The following UNC13A variants were observed in gnomAD, a reference collection of about 807,000 sequenced individuals.
The protein encoded by UNC13A is unc-13 homolog A.
UNC13A carries 61 observed loss-of-function variants against 219.7 expected under a neutral mutation model. That is an observed-to-expected ratio of 0.28 (90% CI 0.23 to 0.34). The LOEUF (loss-of-function observed/expected upper bound fraction) is 0.34. Ranked by LOEUF, UNC13A falls within the 10% of genes least tolerant of loss-of-function variation. The pLI, the probability that UNC13A is intolerant of heterozygous loss-of-function variation, is 1.00. For synonymous variants in UNC13A, 920 were observed against 884.6 expected (o/e 1.04, Z -0.71); for missense variants, 1,476 against 2,270.3 (o/e 0.65, Z 7.11).
Position 17,668,204 on chromosome 19 carries a change from CCTGT to C in UNC13A, c.395-18_395-15del, listed in dbSNP as rs765739197. The C allele has an allele frequency of 6.2e-7, 1 of 1,611,982 alleles. No individual in the cohort carries two copies. The highest frequency in any genetic ancestry group is 1.7e-5 in the Admixed American group (1 of 59,856). On this transcript the variant is annotated splice_polypyrimidine_tract_variant and intron_variant, in intron 5 of 43. Coordinates refer to ENST00000519716, the MANE Select transcript of UNC13A (RefSeq NM_001080421.3). ...CTTCAGGAATGTCTGCAAGCAGAGC[CCTGT>C]CTGTGAGCCTGGAAGACCCTCCCTG...
chr19:17,679,433 G>A (rs2079964493), intron 1 of UNC13A, among the ~76,000 whole-genome samples: 1 of 150,286 alleles, frequency 6.7e-6, no homozygotes, highest in Admixed American at 6.6e-5. Flanking sequence ...AATAATAAAA[G>A]AGAGAGGGGG....
chr19:17,640,558 A>T lies in UNC13A; in HGVS notation c.2740T>A (p.Ser914Thr). 1 of 1,557,156 alleles carries T rather than the reference A, an allele frequency of 6.4e-7. No homozygotes were observed. ...INAYYAHTTA[S>T]TNVSASDRFA... Reference sequence around the variant, plus strand: ...CGGTCGGAGGCAGACACGTTGGTGGAGGCGGTGGTGTGTGCGTAGTAGGCA... The same window carrying T: ...CGGTCGGAGGCAGACACGTTGGTGGTGGCGGTGGTGTGTGCGTAGTAGGCA... The change falls in exon 22 of 44, where the codon TCC becomes ACC. Residue 914 changes from serine (S) to threonine (T), a missense_variant. Physicochemically the swap from Ser to Thr is moderately conservative, Grantham distance 58 (BLOSUM62 1). Transcript: ENST00000519716.
chr19:17,648,827 C>T (rs1425693252), intron 15 of UNC13A, 85 bp downstream of exon 15: 5 of 1,520,468 alleles, frequency 3.3e-6, no homozygotes, highest in South Asian at 2.4e-5. Context: ...TTCCTCTTCC[C>T]GGGGACCCAC....
chr19:17,657,919 G>C, intron 9 of UNC13A, 143 bp downstream of exon 9: 1 of 769,630 alleles, frequency 1.3e-6, no homozygotes, highest in Non-Finnish European at 2.0e-6. Flanking sequence ...ATTCCCACAA[G>C]AAAATGTGAA....
Position 17,603,053 on chromosome 19 carries a change from TC to T in UNC13A, c.*3000del, listed in dbSNP as rs1408392440. On this transcript the variant is annotated 3_prime_UTR_variant, in exon 44 of 44. Transcript: ENST00000519716. Reference sequence around the variant, plus strand: ...AGGAGGGTTTTCTCCAAGAGGGGTTTCCGTGATGGGTTTTGAAGGACGAATA... The same window carrying T: ...AGGAGGGTTTTCTCCAAGAGGGGTTTCGTGATGGGTTTTGAAGGACGAATA... 2 of 152,242 alleles carry T rather than the reference TC, an allele frequency of 1.3e-5. No individual in the cohort carries two copies. Among genetic ancestry groups the T allele is most frequent in the African/African-American group, 4.8e-5 (2 of 41,438 alleles). The allele number at this position is 152,242 out of a possible 1,614,324, so 9.4% of individuals were successfully genotyped here.
intron 1 of UNC13A, among the ~76,000 whole-genome samples, chr19:17,686,039 A>C (rs1599426389): frequency 9.3e-5 from 12 of 128,800 alleles, no homozygotes; most frequent in Admixed American, 1.7e-4. Flanking sequence ...ACTCCTCCTC[A>C]CTCCAACCTC....
intron 31 of UNC13A, 96 bp from the exon 32 acceptor site, chr19:17,628,036 T>G: frequency 7.9e-7 from 1 of 1,261,244 alleles, no homozygotes. Flanking sequence ...TTTCAGGGTC[T>G]GGGTCTGGAG....
Position 17,676,055 on chromosome 19 carries a change from C to T in UNC13A, c.23-14G>A. 2 of 1,551,164 alleles carry T rather than the reference C, an allele frequency of 1.3e-6. No homozygotes were observed. The highest frequency in any genetic ancestry group is 4.9e-5 in the East Asian group (2 of 40,900). ...TGGCTTTTTTGACTGTGGAGAGAGA[C>T]AGAGATAGGGAAGGGAGGTGGGGAG... On this transcript the variant is annotated splice_polypyrimidine_tract_variant and intron_variant, in intron 1 of 43. Coordinates refer to ENST00000519716, the MANE Select transcript of UNC13A (RefSeq NM_001080421.3).
intron 1 of UNC13A, among the ~76,000 whole-genome samples, chr19:17,687,708 C>G (rs915847435): frequency 2.2e-4 from 34 of 152,060 alleles, no homozygotes; most frequent in Non-Finnish European, 3.7e-4. Flanking sequence ...GGAGAACCCT[C>G]CCACCGCACT....
At chr19:17,659,651 C>G (rs1339695562) in intron 8 of UNC13A, among the ~76,000 whole-genome samples, 1 of 151,854 alleles carries the variant, frequency 6.6e-6, no homozygotes, top group Non-Finnish European at 1.5e-5. Context: ...CGCCTGTAGT[C>G]CCAGCTATTC....
chr19:17,615,882 G>A (rs1390691268), intron 41 of UNC13A, among the ~76,000 whole-genome samples: 1 of 152,078 alleles, frequency 6.6e-6, no homozygotes, highest in African/African-American at 2.4e-5. Context: ...GCTGGGGCAG[G>A]AGGATCACTT....
intron 17 of UNC13A, among the ~76,000 whole-genome samples, chr19:17,646,706 A>G (rs2077030893): frequency 6.6e-6 from 1 of 151,186 alleles, no homozygotes; most frequent in African/African-American, 2.4e-5. Context: ...CTGACTTACC[A>G]CCCCAGCTCC....
intron 28 of UNC13A, among the ~76,000 whole-genome samples, chr19:17,631,189 TCCCTCCCTC>T (rs1316319186): frequency 6.5e-5 from 2 of 30,858 alleles, no homozygotes; most frequent in South Asian, 2.1e-3. Flanking sequence ...TTTCCTTCCT[TCCCTCCCTC>T]CCTCCCTTCC....
rs894535498 is a variant in UNC13A at position 17,605,349 on chromosome 19, G to A, written c.*705C>T. The A allele has an allele frequency of 6.5e-6, 1 of 152,716 alleles. No individual in the cohort carries two copies. The highest frequency in any genetic ancestry group is 1.5e-5 in the Non-Finnish European group (1 of 68,088). 9.5% of individuals were successfully genotyped at this position (152,716 alleles called of 1,614,324 possible). On this transcript the variant is annotated 3_prime_UTR_variant, in exon 44 of 44. Coordinates refer to ENST00000519716, the MANE Select transcript of UNC13A (RefSeq NM_001080421.3). ...TATGATATGAGGACTGGGTTTGTTG[G>A]GGGAGAGGGAGAGGCAAACTCCCAA...
intron 24 of UNC13A, 70 bp downstream of exon 24, chr19:17,639,366 A>C: frequency 6.4e-7 from 1 of 1,574,046 alleles, no homozygotes; most frequent in Non-Finnish European, 8.6e-7. Context: ...GAGGAATGTC[A>C]CTTGTCCTGG....
Position 17,636,036 on chromosome 19 carries a change from G to A in UNC13A, c.3203C>T (p.Pro1068Leu). The A allele has an allele frequency of 6.2e-7, 1 of 1,611,554 alleles. No homozygotes were observed. The highest frequency in any genetic ancestry group is 8.5e-7 in the Non-Finnish European group (1 of 1,178,134). Residue 1068 changes from proline (P) to leucine (L), a missense_variant, in exon 26 of 44, where the codon CCC becomes CTC. Pro to Leu is a moderately conservative substitution (Grantham distance 98, BLOSUM62 -3). Transcript: ENST00000519716. ...ATACACAACTCACTGGTTGAGGCAG[G>A]GAGTGTAGGAATTCTTGTCTTCCTC... Reference protein sequence around the residue: ...IIEEDKNSYTPCLNQFPQELN... With the variant: ...IIEEDKNSYTLCLNQFPQELN...
intron 1 of UNC13A, among the ~76,000 whole-genome samples, chr19:17,676,552 G>A (rs537609888): frequency 6.6e-6 from 1 of 152,274 alleles, no homozygotes; most frequent in Non-Finnish European, 1.5e-5. Context: ...AGAAGAAGGC[G>A]AGGATAAAGA....
chr19:17,637,667 A>C (rs919233323), intron 25 of UNC13A, among the ~76,000 whole-genome samples: 6 of 152,238 alleles, frequency 3.9e-5, no homozygotes, highest in Non-Finnish European at 1.5e-5. Context: ...TGGTTGAACT[A>C]AACAATCTAA....
intron 42 of UNC13A, 57 bp downstream of exon 42, chr19:17,611,706 T>C (rs2076605539): frequency 6.7e-7 from 1 of 1,497,866 alleles, no homozygotes; most frequent in African/African-American, 1.4e-5. Context: ...TTAAGCCAGT[T>C]TGAGTTTGGT....
Sources: allele counts gnomAD v4.1 joint callset (sites outside exome capture counted in the v4.1 genomes callset), GRCh38; gene constraint gnomAD v4.1.1; transcripts MANE v1.5; gene names NCBI Gene and HGNC (gene_info 2026-07-23, HGNC 2026-07-21).